NDUFS7: variants seen among roughly 807,000 people sequenced by gnomAD.
The protein encoded by NDUFS7 is NADH:ubiquinone oxidoreductase core subunit S7.
NDUFS7 carries 11 observed loss-of-function variants against 31.1 expected under a neutral mutation model. The ratio of observed to expected loss-of-function variants is 0.35; its 90% CI spans 0.22 to 0.59. The LOEUF is 0.59. NDUFS7 is among the 20% of genes least tolerant of loss of function. NDUFS7 has a pLI of 0.79. For synonymous variants in NDUFS7, 136 were observed against 127.9 expected (o/e 1.06, Z -0.43); for missense variants, 263 against 324.2 (o/e 0.81, Z 1.45).
At position 1,393,973 on chromosome 19, in the gene NDUFS7, T is replaced by TC. The variant is rs999839607; in HGVS notation, c.544+649dup. 2 of 239,558 alleles carry TC rather than the reference T, an allele frequency of 8.3e-6. No individual in the cohort carries two copies. The highest frequency in any genetic ancestry group is 1.7e-5 in the Non-Finnish European group (2 of 119,870). The allele number at this position is 239,558 out of a possible 1,614,324, so 14.8% of individuals were successfully genotyped here. On this transcript the variant is annotated intron_variant, in intron 7 of 7. Coordinates refer to ENST00000233627, the MANE Select transcript of NDUFS7 (RefSeq NM_024407.5). This position sits in a 1 kb window ranked among gnomAD's most constrained non-coding sequence, Gnocchi z 7.3. ...ACCTCACGTGGTCCCACGAGGGCCA[T>TC]CCCCCCGGGCGTTCACCTTGACAGT... is the stretch of plus-strand genomic sequence containing the variant.
intron 7 of NDUFS7, chr19:1,394,420 T>G (rs1486370638): frequency 7.8e-7 from 1 of 1,288,864 alleles, no homozygotes; most frequent in Admixed American, 2.3e-5. Flanking sequence ...CCTTGCAGAC[T>G]GAGCTCCTCC....
At position 1,393,573 on chromosome 19, in the gene NDUFS7, A is replaced by T. The variant is rs2144624799; in HGVS notation, c.544+243A>T. The T allele has an allele frequency of 1.6e-6, 1 of 641,540 alleles. No homozygotes were observed. Among genetic ancestry groups the T allele is most frequent in the Non-Finnish European group, 2.8e-6 (1 of 352,394 alleles). The allele number at this position is 641,540 out of a possible 1,614,324, so 39.7% of individuals were successfully genotyped here. A position where few individuals can be genotyped will look rare whatever the true frequency, so the allele number is the denominator to read the frequency against. On this transcript the variant is annotated intron_variant, in intron 7 of 7. Transcript: ENST00000233627. This position sits in a 1 kb window ranked among gnomAD's most constrained non-coding sequence, Gnocchi z 7.3. ...GGAAGCTGAGTGGAATTCCTGACACACGCCTGGTTTACAGCAGTTTCATAT... is the reference window on the plus strand; with the variant it reads ...GGAAGCTGAGTGGAATTCCTGACACTCGCCTGGTTTACAGCAGTTTCATAT...
At chr19:1,392,681 C>T (rs554253752) in intron 6 of NDUFS7, 9 of 172,208 alleles carry the variant, frequency 5.2e-5, no homozygotes, top group Admixed American at 1.6e-4. Context: ...GGACATATTA[C>T]TAATCTAATT....
chr19:1,388,465 C>A, intron 2 of NDUFS7, 60 bp from the exon 3 acceptor site: 1 of 1,475,756 alleles, frequency 6.8e-7, no homozygotes, highest in Non-Finnish European at 9.4e-7. Context: ...ACAGTGAGTG[C>A]GGCTGGGGGA....
rs534284825 is a variant in NDUFS7, at chr19:1,395,517, C to G, written c.*29C>G. On this transcript the variant is annotated 3_prime_UTR_variant, in exon 8 of 8. Coordinates refer to ENST00000233627, the MANE Select transcript of NDUFS7 (RefSeq NM_024407.5). ...CGCCGCCGCCGCCGCCGGAGCCTGTCGCCGTCCTGTCCCCAGCCTGCTTGT... is the reference window on the plus strand; with the variant it reads ...CGCCGCCGCCGCCGCCGGAGCCTGTGGCCGTCCTGTCCCCAGCCTGCTTGT... 4.5e-6 allele frequency: 7 copies of G among 1,555,878 alleles called. No individual in the cohort carries two copies. The highest frequency in any genetic ancestry group is 3.3e-4 in the Middle Eastern group (2 of 6,016).
At chr19:1,388,070 T>C (rs2144611931) in intron 2 of NDUFS7, 1 of 635,594 alleles carries the variant, frequency 1.6e-6, no homozygotes, top group Non-Finnish European at 2.8e-6. Context: ...AGGAAAACCC[T>C]GTGGGCCCGG....
intron 1 of NDUFS7, among the ~76,000 whole-genome samples, chr19:1,384,439 G>A (rs192740762): frequency 1.1e-4 from 17 of 152,380 alleles, no homozygotes; most frequent in Admixed American, 3.3e-4. Flanking sequence ...CTCTCGCAGA[G>A]CCTGTCCTGC....
chr19:1,392,762 C>A, intron 6 of NDUFS7: 1 of 203,754 alleles, frequency 4.9e-6, no homozygotes, highest in Admixed American at 5.3e-5. Context: ...AGGGTATGTC[C>A]ATTTTTACGG....
chr19:1,388,756 G>A (rs753548878), intron 3 of NDUFS7, 77 bp from the exon 4 acceptor site: 5 of 1,490,280 alleles, frequency 3.4e-6, no homozygotes, highest in East Asian at 4.9e-5. Context: ...TCTGGCAGCG[G>A]CCGTGGGGGC....
chr19:1,388,669 C>T (rs747232341), intron 3 of NDUFS7, 76 bp downstream of exon 3: 31 of 1,509,736 alleles, frequency 2.1e-5, no homozygotes, highest in South Asian at 1.8e-4. Flanking sequence ...GCATCAGTGC[C>T]GCAGCCACTG....
intron 7 of NDUFS7, chr19:1,394,778 C>T (rs2082584489): frequency 8.4e-7 from 1 of 1,183,688 alleles, no homozygotes; most frequent in Non-Finnish European, 1.1e-6. Context: ...TTTCCCAGGC[C>T]CTGCAGTGGC....
chr19:1,389,689 C>T (rs984261041), intron 4 of NDUFS7: 27 of 362,998 alleles, frequency 7.4e-5, no homozygotes, highest in Non-Finnish European at 1.5e-4. Flanking sequence ...CAGCCCCTGC[C>T]ATCCCCCTGC....
At position 1,393,106 on chromosome 19, in the gene NDUFS7, C is replaced by A; in HGVS notation, c.456-136C>A. ...GGAGCCTGTGCGTGTTTGCTCATTG[C>A]TTCTCCGTGACAAGTTCCAGCCTCG... On this transcript the variant is annotated intron_variant, in intron 6 of 7. Transcript: ENST00000233627. The surrounding 1 kb of genome is among the most constrained non-coding windows in gnomAD (Gnocchi z 7.3). 1 of 702,826 alleles carries A rather than the reference C, an allele frequency of 1.4e-6. No homozygotes were observed. The highest frequency in any genetic ancestry group is 2.5e-6 in the Non-Finnish European group (1 of 400,566). 43.5% of individuals were successfully genotyped at this position (702,826 alleles called of 1,614,324 possible).
At chr19:1,387,678 C>G in intron 1 of NDUFS7, 133 bp from the exon 2 acceptor site, 2 of 781,772 alleles carry the variant, frequency 2.6e-6, no homozygotes, top group Non-Finnish European at 2.2e-6. Flanking sequence ...CGTTACCTAA[C>G]GTTTGTTAAG....
At chr19:1,389,788 G>A (rs575542758) in intron 4 of NDUFS7, 7 of 330,338 alleles carry the variant, frequency 2.1e-5, no homozygotes, top group Non-Finnish European at 4.1e-5. Context: ...GACGTTCACT[G>A]TTTCCTTTTG....
chr19:1,391,110 C>T lies in NDUFS7; in HGVS notation c.409-9C>T, dbSNP rs1386014952. ...AGTGAGCTGCGCACGGACCCCGCCT[C>T]TCTTCCAGGTCTACGACCAGATGCC... On this transcript the variant is annotated splice_polypyrimidine_tract_variant and intron_variant, in intron 5 of 7. Transcript: ENST00000233627. 1.2e-6 allele frequency: 2 copies of T among 1,612,886 alleles called. No individual in the cohort carries two copies. The highest frequency in any genetic ancestry group is 1.7e-6 in the Non-Finnish European group (2 of 1,179,612).
In NDUFS7 at chr19:1,390,891, C is replaced by T. The variant is rs1416733150; in HGVS notation, c.249C>T (p.Thr83=). 4 of 1,610,304 alleles carry T rather than the reference C, an allele frequency of 2.5e-6. No homozygotes were observed. In the African/African-American group the frequency reaches 4.0e-5, roughly 16 times the overall value. The part of the protein sequence containing the change: ...WARRSSLWPM[T]FGLACCAVEM... Reference sequence around the variant, plus strand: ...CGCAGAGTTCTCTGTGGCCCATGACCTTCGGCCTGGCCTGCTGCGCCGTGG... The same window carrying T: ...CGCAGAGTTCTCTGTGGCCCATGACTTTCGGCCTGGCCTGCTGCGCCGTGG... Residue 83 remains threonine (T), a synonymous_variant, in exon 5 of 8, where the codon ACC becomes ACT. Coordinates refer to ENST00000233627, the MANE Select transcript of NDUFS7 (RefSeq NM_024407.5).
In NDUFS7 at chr19:1,393,394, G is replaced by A. The variant is rs773440376; in HGVS notation, c.544+64G>A. 8.4e-6 allele frequency: 12 copies of A among 1,423,490 alleles called. No individual in the cohort carries two copies. The highest frequency in any genetic ancestry group is 2.0e-5 in the Admixed American group (1 of 50,816). 88.2% of individuals were successfully genotyped at this position (1,423,490 alleles called of 1,614,324 possible). On this transcript the variant is annotated intron_variant, in intron 7 of 7. Coordinates refer to ENST00000233627, the MANE Select transcript of NDUFS7 (RefSeq NM_024407.5). This position sits in a 1 kb window ranked among gnomAD's most constrained non-coding sequence, Gnocchi z 7.3. Reference sequence around the variant, plus strand: ...ACAGGGCCAGCGCCACACGGAGCCCGGCGGCCCCTGTGAGGGAGTCCCACA... The same window carrying A: ...ACAGGGCCAGCGCCACACGGAGCCCAGCGGCCCCTGTGAGGGAGTCCCACA...
chr19:1,394,126 T>C (rs755542189), intron 7 of NDUFS7: 59 of 340,724 alleles, frequency 1.7e-4, no homozygotes, highest in Non-Finnish European at 3.1e-4. Context: ...GTCCCGAGTC[T>C]GGGGGTTTGG....
Sources: gnomAD v4.1 joint callset for allele counts (sites outside exome capture counted in the v4.1 genomes callset) on GRCh38, gnomAD v4.1.1 for gene constraint, Gnocchi (gnomAD v3.1) non-coding constraint, MANE v1.5 for transcripts, NCBI Gene and HGNC (gene_info 2026-07-23, HGNC 2026-07-21) for gene names.